RARB: variants seen among roughly 807,000 people sequenced by gnomAD.
The protein encoded by RARB is retinoic acid receptor beta.
RARB carries 17 observed loss-of-function variants against 51.9 expected under a neutral mutation model. The ratio of observed to expected loss-of-function variants is 0.33; its 90% confidence interval spans 0.22 to 0.49. The LOEUF (loss-of-function observed/expected upper bound fraction) is 0.49, where lower values mean the gene tolerates loss of function less well. Ranked by LOEUF, RARB falls within the 20% of genes least tolerant of loss-of-function variation. The pLI, the probability that RARB is intolerant of heterozygous loss-of-function variation, is 0.99. For synonymous variants in RARB, 215 were observed against 195.4 expected (o/e 1.10, Z -0.84); for missense variants, 369 against 550.8 (o/e 0.67, Z 3.30).
At position 25,596,962 on chromosome 3, in the gene RARB, G is replaced by A. The variant is rs1484890676; in HGVS notation, c.*346G>A. 1 of 188,488 alleles carries A rather than the reference G, an allele frequency of 5.3e-6. No individual in the cohort carries two copies. Among genetic ancestry groups the A allele is most frequent in the African/African-American group, 2.3e-5 (1 of 42,756 alleles). 11.7% of individuals were successfully genotyped at this position (188,488 alleles called of 1,614,324 possible). On this transcript the variant is annotated 3_prime_UTR_variant, in exon 8 of 8. Transcript: ENST00000330688. The stretch of plus-strand genomic sequence containing the variant: ...GAAGACTTTGTACATACAGAAGTAT[G>A]GCTCTGTTCTTTCTATACTGTATGT...
intron 2 of RARB, among the ~76,000 whole-genome samples, chr3:24,904,517 T>A (rs560646182): frequency 2.6e-5 from 4 of 152,308 alleles, no homozygotes; most frequent in African/African-American, 7.2e-5. Context: ...AAACAATGGA[T>A]GCTGGAGAGG....
intron 5 of RARB, among the ~76,000 whole-genome samples, chr3:25,404,247 C>T (rs1315620021): frequency 6.6e-6 from 1 of 152,150 alleles, no homozygotes; most frequent in Non-Finnish European, 1.5e-5. Flanking sequence ...CCTGGCAAAG[C>T]CCTGACGGTT....
chr3:25,290,582 C>T (rs74640398), intron 5 of RARB, among the ~76,000 whole-genome samples: 5,777 of 152,248 alleles, frequency 0.038, 155 homozygotes, highest in Middle Eastern at 0.071. Context: ...CCCTTTAAAA[C>T]GTTCAAAAGG....
intron 2 of RARB, among the ~76,000 whole-genome samples, chr3:25,479,151 T>TCTTC (rs1411918950): frequency 2.0e-5 from 3 of 147,686 alleles, no homozygotes; most frequent in Non-Finnish European, 4.5e-5. Context: ...TGTCTGTCTG[T>TCTTC]CTTCTTTTTT....
At chr3:25,009,860 G>A (rs1405413372) in intron 2 of RARB, among the ~76,000 whole-genome samples, 6 of 152,050 alleles carry the variant, frequency 3.9e-5, no homozygotes, top group Non-Finnish European at 7.4e-5. Context: ...GCAGTGGAAG[G>A]GGAGACAAGC....
At chr3:25,033,241 C>A (rs909665542) in intron 2 of RARB, among the ~76,000 whole-genome samples, 19 of 151,996 alleles carry the variant, frequency 1.3e-4, no homozygotes, top group Non-Finnish European at 2.2e-4. Flanking sequence ...GAGTCCTGGC[C>A]CACCAGAAAC....
At chr3:25,210,693 C>T (rs1412306000) in intron 5 of RARB, among the ~76,000 whole-genome samples, 1 of 151,506 alleles carries the variant, frequency 6.6e-6, no homozygotes, top group Non-Finnish European at 1.5e-5. Flanking sequence ...CACCACCATG[C>T]CTTGCTAAGT....
At chr3:25,489,181 A>G (rs1479192772) in intron 2 of RARB, among the ~76,000 whole-genome samples, 1 of 152,242 alleles carries the variant, frequency 6.6e-6, no homozygotes, top group Non-Finnish European at 1.5e-5. Flanking sequence ...ATGTTGTTTA[A>G]AAGAACTTTT....
chr3:25,308,261 A>G (rs78766919), intron 5 of RARB, among the ~76,000 whole-genome samples: 8,196 of 152,194 alleles, frequency 0.054, 335 homozygotes, highest in South Asian at 0.17. Context: ...GCCATTCTGT[A>G]TTTTGATAGT....
intron 4 of RARB, among the ~76,000 whole-genome samples, chr3:25,150,137 G>T (rs1836840): frequency 0.49 from 73,852 of 151,368 alleles, 18,587 homozygotes; most frequent in East Asian, 0.71. Context: ...GGAGGCACAG[G>T]TTGCAGTGAG....
intron 1 of RARB, among the ~76,000 whole-genome samples, chr3:25,451,638 C>T (rs552708995): frequency 6.6e-6 from 1 of 152,286 alleles, no homozygotes; most frequent in Admixed American, 6.5e-5. Context: ...ACTTGAACTT[C>T]CTTAGATCTT....
intron 2 of RARB, among the ~76,000 whole-genome samples, chr3:25,036,841 G>A (rs748621741): frequency 3.4e-4 from 52 of 152,154 alleles, no homozygotes; most frequent in Admixed American, 9.2e-4. Context: ...AGATTCTCTG[G>A]GTTTCTTTGG....
rs1043270112 is a variant in RARB at position 25,175,597 on chromosome 3, G to A, written c.178+1022G>A. 1.3e-5 allele frequency among the ~76,000 whole-genome samples: 2 copies of A among 152,144 alleles called. 1 individual carries two copies. The highest frequency in any genetic ancestry group is 1.3e-4 in the Admixed American group (2 of 15,286). On this transcript the variant is annotated intron_variant, in intron 5 of 11. Coordinates refer to the RARB transcript ENST00000383772. ...CTTGTTCTACCTAAGTAGAATCCCC[G>A]GTACATTGCCTTCAAAAATAGTAGG...
chr3:25,058,695 T>C (rs1393386876), intron 2 of RARB, among the ~76,000 whole-genome samples: 2 of 151,810 alleles, frequency 1.3e-5, no homozygotes, highest in African/African-American at 4.8e-5. Flanking sequence ...TATTACTAAT[T>C]TAATTTTCTC....
chr3:25,057,878 A>G (rs1351940048), intron 2 of RARB, among the ~76,000 whole-genome samples: 1 of 152,016 alleles, frequency 6.6e-6, no homozygotes, highest in Non-Finnish European at 1.5e-5. Context: ...TCTTACAGAA[A>G]TTGAATTATT....
At chr3:25,329,726 G>A (rs938173124) in intron 5 of RARB, among the ~76,000 whole-genome samples, 1 of 152,138 alleles carries the variant, frequency 6.6e-6, no homozygotes, top group African/African-American at 2.4e-5. Flanking sequence ...CAAGCTAAAG[G>A]AGGATGTTGA....
At chr3:25,300,871 C>A (rs1211483517) in intron 5 of RARB, among the ~76,000 whole-genome samples, 1 of 152,032 alleles carries the variant, frequency 6.6e-6, no homozygotes, top group Non-Finnish European at 1.5e-5. Flanking sequence ...GTGGCGGGTG[C>A]CTGTAATCCC....
At chr3:25,462,802 A>C (rs939995288) in intron 2 of RARB, among the ~76,000 whole-genome samples, 1 of 152,158 alleles carries the variant, frequency 6.6e-6, no homozygotes, top group Non-Finnish European at 1.5e-5. Flanking sequence ...GCTCTCCTCC[A>C]TGTGATCCCT....
intron 5 of RARB, among the ~76,000 whole-genome samples, chr3:25,222,262 C>A (rs756899262): frequency 6.6e-6 from 1 of 152,174 alleles, no homozygotes; most frequent in African/African-American, 2.4e-5. Context: ...CTCCTTCTTA[C>A]TATTTAAAGT....
Sources: allele counts gnomAD v4.1 joint callset (sites outside exome capture counted in the v4.1 genomes callset), GRCh38; gene constraint gnomAD v4.1.1; transcripts MANE v1.5; gene names NCBI Gene and HGNC (gene_info 2026-07-23, HGNC 2026-07-21).